FAAH2: variants seen among roughly 807,000 people sequenced by gnomAD.
FAAH2 encodes fatty-acid amide hydrolase 2.
In FAAH2, 60 loss-of-function variants were observed where a neutral mutation model predicts 36.9. The observed-to-expected ratio is 1.63, with a 90% CI of 1.32 to 2.02. The LOEUF (loss-of-function observed/expected upper bound fraction) is 2.02. Ranked by LOEUF, FAAH2 falls within the 30% of genes most tolerant of loss-of-function variation. The pLI, the probability that FAAH2 is intolerant of heterozygous loss-of-function variation, is 0.00. For synonymous variants in FAAH2, 214 were observed against 143.8 expected, an observed-to-expected ratio of 1.49 and a Z score of -3.49; for missense variants, 689 against 397.5, an observed-to-expected ratio of 1.73 and a Z score of -6.23.
At chrX:57,378,588 A>T in intron 5 of FAAH2, 63 bp from the exon 6 acceptor site, 3 of 1,182,225 alleles carry the variant, frequency 2.5e-6, no homozygotes, top group Non-Finnish European at 3.4e-6. Flanking sequence ...CACCATAATG[A>T]AATACAACAT....
At chrX:57,260,505 T>C in the FAAH2 span, among the ~76,000 whole-genome samples, 2 of 111,966 alleles carry the variant, frequency 1.8e-5, no homozygotes, top group African/African-American at 6.5e-5. Context: ...GGCAAAGATT[T>C]CTTAAACAGA....
chrX:57,168,950 G>A, the FAAH2 span, among the ~76,000 whole-genome samples: 1 of 111,704 alleles, frequency 9.0e-6, no homozygotes, highest in African/African-American at 3.3e-5. Context: ...AGACTGAGTA[G>A]CTTAAATAAC....
chrX:57,185,159 C>G, the FAAH2 span, among the ~76,000 whole-genome samples: 1 of 110,527 alleles, frequency 9.0e-6, no homozygotes, highest in African/African-American at 3.3e-5. Context: ...GTTATGCTAC[C>G]AAAAACTAGA....
the FAAH2 span, among the ~76,000 whole-genome samples, chrX:57,237,039 T>C: frequency 8.9e-6 from 1 of 111,950 alleles, no homozygotes; most frequent in Non-Finnish European, 1.9e-5. Context: ...TGTATGCAGT[T>C]AAAGATAAGG....
At chrX:57,158,780 C>T in the FAAH2 span, among the ~76,000 whole-genome samples, 4 of 111,693 alleles carry the variant, frequency 3.6e-5, no homozygotes, top group African/African-American at 1.3e-4. Context: ...AAAATTTTCT[C>T]CCATTCTGCA....
chrX:57,134,565 C>T, the FAAH2 span: 1 of 111,565 alleles, frequency 9.0e-6, no homozygotes, highest in Non-Finnish European at 1.9e-5. Context: ...CTCTGATGCC[C>T]CTCATCTCTA....
chrX:57,231,685 A>G, the FAAH2 span, among the ~76,000 whole-genome samples: 1 of 112,061 alleles, frequency 8.9e-6, no homozygotes. Flanking sequence ...TTTGCCTTAG[A>G]TAACACAGCT....
chrX:57,279,295 C>G, the FAAH2 span, among the ~76,000 whole-genome samples: 7 of 112,383 alleles, frequency 6.2e-5, no homozygotes, highest in Non-Finnish European at 1.1e-4. Flanking sequence ...AGTTCATGTC[C>G]TTTGCAGGGA....
chrX:57,185,173 T>C, the FAAH2 span, among the ~76,000 whole-genome samples: 1 of 110,939 alleles, frequency 9.0e-6, no homozygotes, highest in Non-Finnish European at 1.9e-5. Context: ...AACTAGATCT[T>C]ATTCATTGTT....
intron 10 of FAAH2, among the ~76,000 whole-genome samples, chrX:57,463,912 C>G (rs1029226186): frequency 9.9e-5 from 11 of 111,584 alleles, no homozygotes; most frequent in African/African-American, 3.3e-4. Context: ...GGAATATACC[C>G]AAAGGATTAC....
the FAAH2 span, among the ~76,000 whole-genome samples, chrX:57,252,672 G>A: frequency 4.5e-5 from 5 of 112,357 alleles, no homozygotes; most frequent in East Asian, 1.4e-3. Flanking sequence ...CTGCAGCTGA[G>A]GGGTCAGTCT....
intron 3 of FAAH2, among the ~76,000 whole-genome samples, chrX:57,330,462 A>G (rs1215835606): frequency 9.0e-6 from 1 of 111,587 alleles, no homozygotes; most frequent in African/African-American, 3.3e-5. Flanking sequence ...ATCAATGGCA[A>G]TGGTGCCCGA....
chrX:57,436,128 A>T (rs1424189125), intron 8 of FAAH2, among the ~76,000 whole-genome samples: 1 of 111,454 alleles, frequency 9.0e-6, no homozygotes, highest in Non-Finnish European at 1.9e-5. Context: ...TGTGTCAATG[A>T]AGAAATTAAG....
the FAAH2 span, among the ~76,000 whole-genome samples, chrX:57,256,902 C>G: frequency 8.9e-6 from 1 of 112,052 alleles, no homozygotes; most frequent in Non-Finnish European, 1.9e-5. Context: ...AGGCACTTCT[C>G]AAAAGAAGAA....
chrX:57,256,073 C>T, the FAAH2 span, among the ~76,000 whole-genome samples: 1 of 112,225 alleles, frequency 8.9e-6, no homozygotes, highest in East Asian at 2.8e-4. Flanking sequence ...GCAATTTCAG[C>T]AAAGTTTCAG....
At chrX:57,161,869 T>A in the FAAH2 span, among the ~76,000 whole-genome samples, 1 of 111,652 alleles carries the variant, frequency 9.0e-6, no homozygotes, top group Admixed American at 9.5e-5. Context: ...CATTTAAAGT[T>A]AATATTGTTA....
the FAAH2 span, chrX:57,135,778 T>C: frequency 3.9e-5 from 45 of 1,166,131 alleles, no homozygotes; most frequent in Admixed American, 1.1e-3. Context: ...GTCTACAAAT[T>C]ATACATTTGT....
chrX:57,340,451 A>T (rs1289525945), intron 4 of FAAH2, among the ~76,000 whole-genome samples: 1 of 112,153 alleles, frequency 8.9e-6, no homozygotes, highest in African/African-American at 3.2e-5. Context: ...GTATATACCC[A>T]AAGGAATATA....
intron 10 of FAAH2, among the ~76,000 whole-genome samples, chrX:57,468,493 A>G: frequency 1.8e-5 from 2 of 112,274 alleles, no homozygotes; most frequent in South Asian, 7.4e-4. Flanking sequence ...AAGAAAGGGT[A>G]TCAGTGATTG....
Sources: allele counts gnomAD v4.1 joint callset (sites outside exome capture counted in the v4.1 genomes callset), GRCh38; gene constraint gnomAD v4.1.1; transcripts MANE v1.5; gene names NCBI Gene and HGNC (gene_info 2026-07-23, HGNC 2026-07-21).